Variants in ECEL1 observed in about 807,000 individuals in gnomAD.
The protein encoded by ECEL1 is endothelin converting enzyme like 1.
A neutral mutation model predicts 101.8 loss-of-function variants in ECEL1; 87 were observed. The observed-to-expected ratio is 0.85, with a 90% CI of 0.72 to 1.02. ECEL1 has a LOEUF of 1.02. Among genes scored for constraint, ECEL1 ranks in the 50% least tolerant of loss-of-function variants. The pLI is 0.00. For missense variants in ECEL1, 1,032 were observed against 1,079.2 expected (o/e 0.96, Z 0.61); for synonymous variants, 487 against 468.7 (o/e 1.04, Z -0.50).
Position 232,480,426 on chromosome 2 carries a change from G to T in ECEL1, c.2201C>A (p.Thr734Asn). 3 of 1,614,006 alleles carry T rather than the reference G, an allele frequency of 1.9e-6. No homozygotes were observed. Among genetic ancestry groups the T allele is most frequent in the Non-Finnish European group, 2.5e-6 (3 of 1,180,006 alleles). The change falls in exon 17 of 18, where the codon ACT becomes AAT. Residue 734 changes from threonine to asparagine, a missense_variant. Thr to Asn is a moderately conservative substitution (Grantham distance 65). Coordinates refer to ENST00000304546, the MANE Select transcript of ECEL1 (RefSeq NM_004826.4). ...GTAGTGCTCAGGGGCATGCTTGTCA[G>T]TCAGCACCTGCAGGTAGATGGACTG... ...RSQSIYLQVL[T>N]DKHAPEHYRV...
intron 17 of ECEL1, 73 bp from the exon 18 acceptor site, chr2:232,480,325 T>C: frequency 6.2e-7 from 1 of 1,612,414 alleles, no homozygotes; most frequent in Non-Finnish European, 8.5e-7. Context: ...GGGTGACTTT[T>C]ATTCCTTCCC....
At chr2:232,483,777 C>A (rs1460058915) in intron 7 of ECEL1, among the ~76,000 whole-genome samples, 1 of 152,206 alleles carries the variant, frequency 6.6e-6, no homozygotes, top group Non-Finnish European at 1.5e-5. Context: ...GGGCTGGGGC[C>A]TGGCAGGGAG....
At chr2:232,485,792 G>A (rs1690704186) in intron 2 of ECEL1, 76 bp downstream of exon 2, 5 of 1,509,228 alleles carry the variant, frequency 3.3e-6, no homozygotes, top group Non-Finnish European at 4.4e-6. Flanking sequence ...CGCCTCCCGC[G>A]CGCAGGGACC....
intron 12 of ECEL1, 24 bp downstream of exon 12, chr2:232,482,394 A>G: frequency 6.2e-7 from 1 of 1,613,670 alleles, no homozygotes; most frequent in Non-Finnish European, 8.5e-7. Context: ...CCTCAGCCAC[A>G]AACAGGGCAA....
Position 232,485,004 on chromosome 2 carries a change from G to A in ECEL1, c.943C>T (p.Gln315Ter). 1 of 1,613,062 alleles carries A rather than the reference G, an allele frequency of 6.2e-7. No homozygotes were observed. ...ACGTTGGCCAGCTGCTGCTCCACTT[G>A]CAGGATCTCTTGGGCCTTCTGTTCC... ...AVEQKAQEILQVEQQLANITV... is the reference protein window; with the variant it reads ...AVEQKAQEIL Residue 315 changes from glutamine (Q) to a stop codon, truncating the protein, a stop_gained, in exon 4 of 18, where the codon CAA becomes TAA. Coordinates refer to ENST00000304546, the MANE Select transcript of ECEL1 (RefSeq NM_004826.4). LOFTEE classifies it high-confidence loss of function.
rs755796354 is a variant in ECEL1 at position 232,486,211 on chromosome 2, C to T, written c.443G>A (p.Gly148Asp). 6.2e-7 allele frequency: 1 copy of T among 1,600,756 alleles called. No individual in the cohort carries two copies. Among genetic ancestry groups the T allele is most frequent in the South Asian group, 1.1e-5 (1 of 90,632 alleles). ...HAIPDDKLTY[G>D]TIAAIGEQNE... ...TTGCTCGCCGATGGCCGCGATGGTGCCATAGGTGAGCTTGTCGTCGGGGAT... is the reference window on the plus strand; with the variant it reads ...TTGCTCGCCGATGGCCGCGATGGTGTCATAGGTGAGCTTGTCGTCGGGGAT... The change falls in exon 2 of 18, where the codon GGC becomes GAC. Residue 148 changes from glycine to aspartate, a missense_variant. Gly to Asp is a moderately conservative substitution (Grantham distance 94). Transcript: ENST00000304546.
Position 232,481,137 on chromosome 2 carries a change from A to T in ECEL1, c.2009T>A (p.Leu670His). The change falls in exon 15 of 18, where the codon CTT becomes CAT. Residue 670 changes from leucine to histidine, a missense_variant. Leu to His is a moderately conservative substitution (Grantham distance 99). Transcript: ENST00000304546. Reference sequence around the variant, plus strand: ...GCCCATATCTGCGATGTTCTCCCCAAGCGTGTGTTTCCCGTTCACCTGCCG... The same window carrying T: ...GCCCATATCTGCGATGTTCTCCCCATGCGTGTGTTTCCCGTTCACCTGCCG... Reference protein sequence around the residue: ...YNQRVNGKHTLGENIADMGGL... With the variant: ...YNQRVNGKHTHGENIADMGGL... The T allele has an allele frequency of 6.4e-7, 1 of 1,568,748 alleles. No homozygotes were observed. The highest frequency in any genetic ancestry group is 8.6e-7 in the Non-Finnish European group (1 of 1,156,692).
intron 2 of ECEL1, 104 bp from the exon 3 acceptor site, chr2:232,485,371 A>G: frequency 7.5e-7 from 1 of 1,332,560 alleles, no homozygotes. Flanking sequence ...GACATCCATG[A>G]GTACAGCCAC....
chr2:232,480,270 C>A lies in ECEL1; in HGVS notation c.2229-18G>T. The A allele has an allele frequency of 6.2e-7, 1 of 1,613,266 alleles. No homozygotes were observed. The highest frequency in any genetic ancestry group is 8.5e-7 in the Non-Finnish European group (1 of 1,179,596). ...CCAGCACCCTGGGGTGGGGAGAGAC[C>A]CACACAGTGTTGGGCCCTGCAGCCA... On this transcript the variant is annotated intron_variant, in intron 17 of 17. Transcript: ENST00000304546.
At position 232,482,873 on chromosome 2, in the gene ECEL1, GA is replaced by G; in HGVS notation, c.1662del (p.Arg555GlyfsTer60). 1 of 1,614,140 alleles carries G rather than the reference GA, an allele frequency of 6.2e-7. No individual in the cohort carries two copies. Among genetic ancestry groups the G allele is most frequent in the East Asian group, 2.2e-5 (1 of 44,890 alleles). The part of the protein sequence containing the change: ...RFSIQLSVKK[I>X]RQEVDKSTWL... Reference sequence around the variant, plus strand: ...CACGTGGACTTGTCCACCTCCTGCCGAATCTTCTTAACTGAGAGCTGGATGC... The same window carrying G: ...CACGTGGACTTGTCCACCTCCTGCCGATCTTCTTAACTGAGAGCTGGATGC... On this transcript the variant is annotated frameshift_variant, in exon 10 of 18. Coordinates refer to ENST00000304546, the MANE Select transcript of ECEL1 (RefSeq NM_004826.4). LOFTEE classifies it high-confidence loss of function.
chr2:232,485,005 C>A lies in ECEL1; in HGVS notation c.942G>T (p.Leu314=), dbSNP rs1690683585. The change falls in exon 4 of 18, where the codon CTG becomes CTT. Residue 314 remains leucine (L), a synonymous_variant. Transcript: ENST00000304546. ...DAVEQKAQEI[L]QVEQQLANIT... is the part of the protein sequence containing the mutation. Reference sequence around the variant, plus strand: ...CGTTGGCCAGCTGCTGCTCCACTTGCAGGATCTCTTGGGCCTTCTGTTCCA... The same window carrying A: ...CGTTGGCCAGCTGCTGCTCCACTTGAAGGATCTCTTGGGCCTTCTGTTCCA... 6.2e-7 allele frequency: 1 copy of A among 1,613,138 alleles called. No homozygotes were observed. The highest frequency in any genetic ancestry group is 8.5e-7 in the Non-Finnish European group (1 of 1,180,012).
At position 232,482,439 on chromosome 2, in the gene ECEL1, A is replaced by G. The variant is rs1404181123; in HGVS notation, c.1775T>C (p.Leu592Pro). 6.2e-7 allele frequency: 1 copy of G among 1,614,002 alleles called. No homozygotes were observed. Among genetic ancestry groups the G allele is most frequent in the Admixed American group, 1.7e-5 (1 of 60,020 alleles). Reference sequence around the variant, plus strand: ...TCACTGTGGGAAGTCAGGGTCGTACAGGGTGGGCTGCAGGATGCCCGCGGG... The same window carrying G: ...TCACTGTGGGAAGTCAGGGTCGTACGGGGTGGGCTGCAGGATGCCCGCGGG... The part of the protein sequence containing the change: ...VFPAGILQPT[L>P]YDPDFPQSLN... Residue 592 changes from leucine (L) to proline (P), a missense_variant, in exon 12 of 18, where the codon CTG becomes CCG. By Grantham distance (98) the Leu-to-Pro change is moderately conservative. Transcript: ENST00000304546.
At chr2:232,481,048 C>T (rs1335283031) in intron 15 of ECEL1, 43 bp downstream of exon 15, 35 of 1,548,636 alleles carry the variant, frequency 2.3e-5, no homozygotes, top group Non-Finnish European at 3.0e-5. Flanking sequence ...CATCAGCCCC[C>T]GTCCCTCCTG....
rs370173849 is a variant in ECEL1, at chr2:232,481,619, C to T, written c.1876G>A (p.Asp626Asn). ...CAGTGCAGCAGGTTCCCTGAGCGGT[C>T]ATACTGGCCCCCTGTGGGCAGTGCA... ...HGYDDWGGQY[D>N]RSGNLLHWWT... is the part of the protein sequence containing the mutation. Residue 626 changes from aspartate to asparagine, a missense_variant, in exon 14 of 18, where the codon GAC becomes AAC. By Grantham distance (23) the Asp-to-Asn change is conservative. Transcript: ENST00000304546. 2 of 1,613,590 alleles carry T rather than the reference C, an allele frequency of 1.2e-6. No individual in the cohort carries two copies. Among genetic ancestry groups the T allele is most frequent in the African/African-American group, 2.7e-5 (2 of 74,936 alleles).
At chr2:232,482,128 C>A (rs1348234306) in intron 12 of ECEL1, among the ~76,000 whole-genome samples, 1 of 152,226 alleles carries the variant, frequency 6.6e-6, no homozygotes, top group Non-Finnish European at 1.5e-5. Context: ...GAGGCACCTA[C>A]GTAGGGGTTT....
chr2:232,482,802 C>T (rs748267683), intron 10 of ECEL1, 49 bp downstream of exon 10: 1 of 1,605,244 alleles, frequency 6.2e-7, no homozygotes, highest in Non-Finnish European at 8.5e-7. Context: ...AGCTCCTGCC[C>T]TTTCCCCACA....
At chr2:232,484,958 G>A (rs1281733243) in intron 4 of ECEL1, 23 bp downstream of exon 4, 6 of 1,612,714 alleles carry the variant, frequency 3.7e-6, no homozygotes, top group Non-Finnish European at 5.1e-6. Flanking sequence ...GCCCAGGGCA[G>A]CCTCCAGTCC....
rs922367315 is a variant in ECEL1 at position 232,480,957 on chromosome 2, A to G, written c.2055+134T>C. The stretch of plus-strand genomic sequence containing the variant: ...TCCTCTTCCAGTGGACCGTGGCCCC[A>G]GCACATGCCCTGCCCCACCCCAGGC... On this transcript the variant is annotated intron_variant, in intron 15 of 17. Transcript: ENST00000304546. The G allele has an allele frequency of 1.4e-5, 19 of 1,372,888 alleles. No individual in the cohort carries two copies. The Admixed American group carries it at 1.5e-4, about 10-fold the overall frequency. 85.0% of individuals were successfully genotyped at this position (1,372,888 alleles called of 1,614,324 possible).
chr2:232,481,518 G>A lies in ECEL1; in HGVS notation c.1977C>T (p.Val659=), dbSNP rs1268993865. 1.2e-6 allele frequency: 2 copies of A among 1,611,766 alleles called. No individual in the cohort carries two copies. Among genetic ancestry groups the A allele is most frequent in the South Asian group, 2.2e-5 (2 of 90,500 alleles). ...CIVRLYDNFT[V]YNQRVNGKHT... The stretch of plus-strand genomic sequence containing the variant: ...GTGGGGGTCTCACCCGCTGGTTGTA[G>A]ACAGTGAAGTTGTCATAGAGACGGA... Residue 659 remains valine, a synonymous_variant, in exon 14 of 18, where the codon GTC becomes GTT. Transcript: ENST00000304546.
Sources: gnomAD v4.1 joint callset for allele counts (sites outside exome capture counted in the v4.1 genomes callset) on GRCh38, gnomAD v4.1.1 for gene constraint, MANE v1.5 for transcripts, NCBI Gene and HGNC (gene_info 2026-07-23, HGNC 2026-07-21) for gene names.